The following NKAIN3 variants were observed in gnomAD, a reference collection of about 807,000 sequenced individuals.
NKAIN3 encodes sodium/potassium transporting ATPase interacting 3.
Under a neutral mutation model 30.2 loss-of-function variants are expected in NKAIN3, and 25 were observed. The observed-to-expected ratio is 0.83, with a 90% CI of 0.60 to 1.16. The LOEUF (loss-of-function observed/expected upper bound fraction) is 1.16, where lower values mean the gene tolerates loss of function less well. Among genes scored for constraint, NKAIN3 ranks in the 50% most tolerant of loss-of-function variants. The pLI is 0.00. For missense variants in NKAIN3, 225 were observed against 254.1 expected, an observed-to-expected ratio of 0.89 and a Z score of 0.78; for synonymous variants, 91 against 89.6, an observed-to-expected ratio of 1.02 and a Z score of -0.09.
chr8:62,638,186 C>G (rs947811027), intron 3 of NKAIN3, among the ~76,000 whole-genome samples: 3 of 152,116 alleles, frequency 2.0e-5, no homozygotes, highest in Non-Finnish European at 4.4e-5. Context: ...TTTGCAAGCT[C>G]CTCAGGGAAA....
At chr8:62,691,290 T>C (rs1397160342) in intron 3 of NKAIN3, among the ~76,000 whole-genome samples, 1 of 152,078 alleles carries the variant, frequency 6.6e-6, no homozygotes, top group Non-Finnish European at 1.5e-5. Context: ...TAAATGCCTG[T>C]GCTCTAGAAG....
intron 5 of NKAIN3, among the ~76,000 whole-genome samples, chr8:62,929,748 G>A (rs1822561881): frequency 6.6e-6 from 1 of 152,122 alleles, no homozygotes; most frequent in African/African-American, 2.4e-5. Flanking sequence ...AATCAAGCTT[G>A]TCCAACCCGC....
intron 4 of NKAIN3, among the ~76,000 whole-genome samples, chr8:62,796,909 C>T (rs757191020): frequency 2.0e-5 from 3 of 152,050 alleles, no homozygotes; most frequent in African/African-American, 7.2e-5. Flanking sequence ...TTTATTCATA[C>T]ATGCTGGTTC....
intron 4 of NKAIN3, among the ~76,000 whole-genome samples, chr8:62,900,618 G>A (rs979005796): frequency 6.6e-5 from 10 of 152,180 alleles, no homozygotes; most frequent in African/African-American, 2.4e-4. Flanking sequence ...AGGACTTAGT[G>A]AATTAATGAA....
At chr8:62,812,657 A>G (rs1251158396) in intron 4 of NKAIN3, among the ~76,000 whole-genome samples, 1 of 151,768 alleles carries the variant, frequency 6.6e-6, no homozygotes, top group African/African-American at 2.4e-5. Flanking sequence ...TGTCATCTGC[A>G]AATAGAAATG....
intron 4 of NKAIN3, among the ~76,000 whole-genome samples, chr8:62,906,046 GT>G (rs1821762763): frequency 6.6e-6 from 1 of 152,152 alleles, no homozygotes; most frequent in Non-Finnish European, 1.5e-5. Flanking sequence ...TCACCTTACT[GT>G]GAAAACAGCA....
intron 4 of NKAIN3, among the ~76,000 whole-genome samples, chr8:62,761,065 G>C (rs961064133): frequency 6.6e-6 from 1 of 152,038 alleles, no homozygotes; most frequent in Non-Finnish European, 1.5e-5. Flanking sequence ...GTCCTAGAAG[G>C]ATTTTTTAAA....
chr8:62,618,893 G>A (rs1322909476), intron 3 of NKAIN3, among the ~76,000 whole-genome samples: 1 of 151,922 alleles, frequency 6.6e-6, no homozygotes, highest in South Asian at 2.1e-4. Context: ...GCGACAGAGT[G>A]AGACTCCATC....
At chr8:62,963,535 C>A (rs1823629157) in intron 6 of NKAIN3, among the ~76,000 whole-genome samples, 1 of 152,220 alleles carries the variant, frequency 6.6e-6, no homozygotes, top group African/African-American at 2.4e-5. Flanking sequence ...AACACCTTCT[C>A]CTGTTGCCTT....
intron 1 of NKAIN3, among the ~76,000 whole-genome samples, chr8:62,515,574 A>T (rs530433496): frequency 6.8e-4 from 103 of 152,256 alleles, no homozygotes; most frequent in African/African-American, 2.4e-3. Context: ...CTTACTCAAA[A>T]GAGAGAAATG....
intron 1 of NKAIN3, among the ~76,000 whole-genome samples, chr8:62,274,585 A>T (rs918544559): frequency 6.6e-6 from 1 of 151,132 alleles, no homozygotes; most frequent in African/African-American, 2.4e-5. Context: ...CTGGAAATTC[A>T]TTTTTTTTTA....
chr8:62,778,580 A>T (rs1344833267), intron 4 of NKAIN3, among the ~76,000 whole-genome samples: 1 of 152,122 alleles, frequency 6.6e-6, no homozygotes, highest in East Asian at 1.9e-4. Context: ...GAATACTGCC[A>T]GGCCTGGGAC....
At chr8:62,751,981 G>A (rs1362825835) in intron 4 of NKAIN3, among the ~76,000 whole-genome samples, 1 of 152,088 alleles carries the variant, frequency 6.6e-6, no homozygotes, top group Non-Finnish European at 1.5e-5. Context: ...GGATAGAATT[G>A]TGTTCTTTTT....
chr8:62,266,660 G>T (rs1295934673), intron 1 of NKAIN3, among the ~76,000 whole-genome samples: 1 of 152,240 alleles, frequency 6.6e-6, no homozygotes, highest in East Asian at 1.9e-4. Flanking sequence ...ACCAGACAAG[G>T]TTGAGGACTA....
chr8:62,440,002 A>T (rs1031095581), intron 1 of NKAIN3, among the ~76,000 whole-genome samples: 17 of 152,210 alleles, frequency 1.1e-4, no homozygotes, highest in Non-Finnish European at 1.6e-4. Context: ...TAATAGAAAG[A>T]CATTCAGGAC....
At chr8:62,301,806 A>G (rs1321736320) in intron 1 of NKAIN3, among the ~76,000 whole-genome samples, 1 of 152,106 alleles carries the variant, frequency 6.6e-6, no homozygotes, top group Non-Finnish European at 1.5e-5. Context: ...TCAGCCTTTC[A>G]AAGAAGCATA....
intron 4 of NKAIN3, among the ~76,000 whole-genome samples, chr8:62,876,245 A>C (rs1820790477): frequency 6.6e-6 from 1 of 152,138 alleles, no homozygotes; most frequent in African/African-American, 2.4e-5. Flanking sequence ...CCGATCAGCA[A>C]ATCAAAACCA....
rs1322647672 is a variant in NKAIN3, at chr8:62,984,736, C to G, written c.*19329C>G. ...TATTTACATTTTTGTGCATATAATG[C>G]CTGTATATTATACTCATATTTGAAA... On this transcript the variant is annotated 3_prime_UTR_variant, in exon 7 of 7. Coordinates refer to ENST00000623646, the MANE Select transcript of NKAIN3 (RefSeq NM_001304533.3). 1 of 152,122 alleles carries G rather than the reference C, an allele frequency of 6.6e-6. No individual in the cohort carries two copies. Among genetic ancestry groups the G allele is most frequent in the Non-Finnish European group, 1.5e-5 (1 of 68,022 alleles). 9.4% of individuals were successfully genotyped at this position (152,122 alleles called of 1,614,324 possible). A position where few individuals can be genotyped will look rare whatever the true frequency, so the allele number is the denominator to read the frequency against.
chr8:62,802,670 G>T lies in NKAIN3; in HGVS notation c.471+55541G>T, dbSNP rs967616567. Among the ~76,000 whole-genome samples the T allele has an allele frequency of 1.4e-4, 22 of 152,184 alleles. No individual in the cohort carries two copies. The East Asian group carries it at 1.5e-3, about 11-fold the overall frequency. ...AGCCACTGCAAAATCATGCCAAATT[G>T]TAAAGACCATCGAGGCTAGGAAGAA... On this transcript the variant is annotated intron_variant, in intron 4 of 6. Coordinates refer to ENST00000623646, the MANE Select transcript of NKAIN3 (RefSeq NM_001304533.3).
Sources: gnomAD v4.1 joint callset for allele counts (sites outside exome capture counted in the v4.1 genomes callset) on GRCh38, gnomAD v4.1.1 for gene constraint, MANE v1.5 for transcripts, NCBI Gene and HGNC (gene_info 2026-07-23, HGNC 2026-07-21) for gene names.